ZMYM2: variants seen among roughly 807,000 people sequenced by gnomAD.
The protein encoded by ZMYM2 is zinc finger MYM-type protein 2.
Under a neutral mutation model 162.8 loss-of-function variants are expected in ZMYM2, and 56 were observed. The ratio of observed to expected loss-of-function variants is 0.34; its 90% CI spans 0.28 to 0.43. ZMYM2 has a LOEUF of 0.43. ZMYM2 is among the 20% of genes least tolerant of loss of function. The pLI, the probability that ZMYM2 is intolerant of heterozygous loss-of-function variation, is 1.00. For missense variants in ZMYM2, 1,275 were observed against 1,621.8 expected (o/e 0.79, Z 3.67); for synonymous variants, 510 against 541.6 (o/e 0.94, Z 0.81).
chr13:20,037,213 A>ATTTTTTTTTTTTTTTT (rs754909177), intron 12 of ZMYM2, among the ~76,000 whole-genome samples: 1 of 90,382 alleles, frequency 1.1e-5, no homozygotes, highest in Non-Finnish European at 2.1e-5. Flanking sequence ...ACTAAGTAGA[A>ATTTTTTTTTTTTTTTT]TTTTTTTTTT....
the ZMYM2 span, among the ~76,000 whole-genome samples, chr13:19,877,086 C>T: frequency 1.8e-4 from 27 of 152,090 alleles, no homozygotes; most frequent in South Asian, 5.6e-3. Flanking sequence ...GTGGCGGGCG[C>T]CTGTAATCCC....
At chr13:20,058,784 A>G (rs1956004772) in intron 15 of ZMYM2, 80 bp downstream of exon 15, 1 of 1,542,796 alleles carries the variant, frequency 6.5e-7, no homozygotes, top group South Asian at 1.1e-5. Flanking sequence ...CTTGAATGAC[A>G]CCTCCAGGAT....
intron 9 of ZMYM2, among the ~76,000 whole-genome samples, chr13:20,028,235 A>T (rs944596168): frequency 2.0e-4 from 31 of 152,172 alleles, no homozygotes; most frequent in African/African-American, 7.5e-4. Flanking sequence ...CACGTTTAAG[A>T]CTTAACTTGT....
intron 17 of ZMYM2, 127 bp downstream of exon 17, chr13:20,061,351 CAAAAATG>C: frequency 6.1e-6 from 5 of 824,350 alleles, no homozygotes; most frequent in South Asian, 6.2e-5. Context: ...AGCATTGTAA[CAAAAATG>C]TTTTTTATAT....
chr13:19,976,485 A>G (rs979204829), intron 2 of ZMYM2, among the ~76,000 whole-genome samples: 1 of 152,110 alleles, frequency 6.6e-6, no homozygotes, highest in East Asian at 1.9e-4. Context: ...TAGTCGGTAT[A>G]TTCACATTGT....
chr13:20,056,100 T>C (rs1955775024), intron 14 of ZMYM2, among the ~76,000 whole-genome samples: 1 of 152,226 alleles, frequency 6.6e-6, no homozygotes, highest in Non-Finnish European at 1.5e-5. Flanking sequence ...TTGGCCTTAA[T>C]TCATCCAAAG....
chr13:20,069,347 A>C (rs1246516115), intron 21 of ZMYM2, among the ~76,000 whole-genome samples: 2 of 151,660 alleles, frequency 1.3e-5, no homozygotes, highest in East Asian at 3.9e-4. Flanking sequence ...GATAGCAGAA[A>C]CTCTTGCCTA....
At chr13:19,962,244 C>G (rs914343503) in intron 2 of ZMYM2, among the ~76,000 whole-genome samples, 26 of 151,806 alleles carry the variant, frequency 1.7e-4, no homozygotes, top group African/African-American at 5.6e-4. Context: ...CAGAAGTGTA[C>G]AAATTTAATA....
chr13:20,002,521 G>A (rs1225859510), intron 3 of ZMYM2, among the ~76,000 whole-genome samples: 1 of 152,012 alleles, frequency 6.6e-6, no homozygotes, highest in African/African-American at 2.4e-5. Flanking sequence ...GACAAAACTT[G>A]TATATTTATT....
the ZMYM2 span, among the ~76,000 whole-genome samples, chr13:19,906,337 GTA>G: frequency 3.3e-5 from 4 of 122,962 alleles, no homozygotes; most frequent in Middle Eastern, 4.3e-3. Context: ...GTATGTATGT[GTA>G]TATATATGTG....
At chr13:19,989,625 T>C (rs936917584) in intron 2 of ZMYM2, among the ~76,000 whole-genome samples, 2 of 152,232 alleles carry the variant, frequency 1.3e-5, no homozygotes, top group Admixed American at 1.3e-4. Flanking sequence ...TCATGGAGAA[T>C]GGAATATCCC....
At chr13:19,943,659 T>C in the ZMYM2 span, among the ~76,000 whole-genome samples, 1 of 152,192 alleles carries the variant, frequency 6.6e-6, no homozygotes, top group Non-Finnish European at 1.5e-5. Context: ...ACCTGCTTTT[T>C]GTTTTTCAGT....
At position 20,051,446 on chromosome 13, in the gene ZMYM2, A is replaced by G; in HGVS notation, c.2306A>G (p.Asp769Gly). 1 of 1,612,394 alleles carries G rather than the reference A, an allele frequency of 6.2e-7. No homozygotes were observed. The highest frequency in any genetic ancestry group is 8.5e-7 in the Non-Finnish European group (1 of 1,179,218). The change falls in exon 13 of 25, where the codon GAC becomes GGC. Residue 769 changes from aspartate to glycine, a missense_variant. Transcript: ENST00000610343. ...TTTTAAATTAAGGCTGCAAGGTGTG[A>G]CTGTTGTAAATCTCAAGGAACTCTT... ...QDWYYKAARC[D>G]CCKSQGTLKE...
chr13:19,973,504 C>T (rs1211280585), intron 2 of ZMYM2, among the ~76,000 whole-genome samples: 1 of 151,686 alleles, frequency 6.6e-6, no homozygotes, highest in South Asian at 2.1e-4. Context: ...AACCCCGTTT[C>T]TACTGAAAGT....
Position 20,014,782 on chromosome 13 carries a change from T to TG in ZMYM2, c.1513-4761dup, listed in dbSNP as rs1555301861. Among the ~76,000 whole-genome samples, 55 of 148,322 alleles carry TG rather than the reference T, an allele frequency of 3.7e-4. No homozygotes were observed. In the East Asian group the frequency reaches 5.5e-3, roughly 15 times the overall value. ...TTTAGGTTTTTTTTTTTTTTTTTTT[T>TG]GGGGACAAAGTCTCACTCTATTGCC... On this transcript the variant is annotated intron_variant, in intron 6 of 24. Transcript: ENST00000610343.
chr13:19,954,126 A>ATTTTTT (rs781288600), upstream of ZMYM2, among the ~76,000 whole-genome samples: 6 of 64,910 alleles, frequency 9.2e-5, 2 homozygotes, highest in Non-Finnish European at 1.2e-4. Flanking sequence ...GCTATGTTTA[A>ATTTTTT]TTTTTTTTTT....
intron 19 of ZMYM2, chr13:20,066,543 G>A: frequency 4.4e-6 from 1 of 226,518 alleles, no homozygotes; most frequent in Non-Finnish European, 8.5e-6. Flanking sequence ...TCATATGGGA[G>A]AGAAAATATA....
intron 6 of ZMYM2, among the ~76,000 whole-genome samples, chr13:20,015,600 GTTA>G (rs2140114374): frequency 6.6e-6 from 1 of 152,190 alleles, no homozygotes; most frequent in South Asian, 2.1e-4. Flanking sequence ...TTCTACCTCA[GTTA>G]TTGTCTATTT....
chr13:19,908,329 G>A, the ZMYM2 span, among the ~76,000 whole-genome samples: 3 of 151,752 alleles, frequency 2.0e-5, no homozygotes, highest in Non-Finnish European at 2.9e-5. Flanking sequence ...ATGGTTTCAC[G>A]GTGAGCCAGG....
Sources: gnomAD v4.1 joint callset for allele counts (sites outside exome capture counted in the v4.1 genomes callset) on GRCh38, gnomAD v4.1.1 for gene constraint, MANE v1.5 for transcripts, NCBI Gene and HGNC (gene_info 2026-07-23, HGNC 2026-07-21) for gene names.